SNTG2: variants seen among roughly 807,000 people sequenced by gnomAD.
SNTG2 encodes the protein syntrophin gamma 2.
SNTG2 carries 74 observed loss-of-function variants against 70.9 expected under a neutral mutation model. That is an observed-to-expected ratio of 1.04 (90% CI 0.86 to 1.27). The LOEUF is 1.27. SNTG2 is among the 50% of genes most tolerant of loss of function. The pLI is 0.00. For missense variants in SNTG2, 717 were observed against 690.7 expected, an observed-to-expected ratio of 1.04 and a Z score of -0.43; for synonymous variants, 278 against 273.8, an observed-to-expected ratio of 1.02 and a Z score of -0.15.
At chr2:1,066,748 C>A (rs1663181971) in intron 1 of SNTG2, among the ~76,000 whole-genome samples, 2 of 152,070 alleles carry the variant, frequency 1.3e-5, no homozygotes, top group Non-Finnish European at 2.9e-5. Flanking sequence ...GCTCCTGGGG[C>A]ACCCACTTAT....
chr2:1,112,362 TACTA>T (rs1476866001), intron 4 of SNTG2, among the ~76,000 whole-genome samples: 2 of 151,834 alleles, frequency 1.3e-5, no homozygotes, highest in East Asian at 1.9e-4. Context: ...GAATCGTGTG[TACTA>T]ACTGAGGTTT....
chr2:1,085,184 T>A (rs2148177206), intron 2 of SNTG2, among the ~76,000 whole-genome samples: 1 of 152,334 alleles, frequency 6.6e-6, no homozygotes, highest in South Asian at 2.1e-4. Context: ...AAGAGTGGGC[T>A]TGAGCAAAGA....
At chr2:1,089,340 T>C (rs759342505) in intron 2 of SNTG2, among the ~76,000 whole-genome samples, 13 of 152,220 alleles carry the variant, frequency 8.5e-5, no homozygotes, top group Non-Finnish European at 1.8e-4. Context: ...AGTTTGGCCG[T>C]ATTCATTATA....
intron 16 of SNTG2, among the ~76,000 whole-genome samples, chr2:1,360,386 T>C (rs1661071929): frequency 6.6e-6 from 1 of 152,184 alleles, no homozygotes; most frequent in African/African-American, 2.4e-5. Context: ...GTATGAAGCC[T>C]GGATCACCAG....
At chr2:1,109,247 T>C (rs1254286071) in intron 4 of SNTG2, among the ~76,000 whole-genome samples, 2 of 152,026 alleles carry the variant, frequency 1.3e-5, no homozygotes, top group Non-Finnish European at 2.9e-5. Context: ...CAGTTCATAC[T>C]TAATGAAATG....
rs944149201 is a variant in SNTG2, at chr2:1,248,970, G to A, written c.1005+1527G>A. Among the ~76,000 whole-genome samples the A allele has an allele frequency of 5.3e-5, 8 of 152,296 alleles. No homozygotes were observed. The East Asian group carries it at 9.6e-4, about 18-fold the overall frequency. ...AGGTTTCTTGGCCGTGGGTCTTCAC[G>A]GAAGTTATGTCCTGCCTTGGGATGC... On this transcript the variant is annotated intron_variant, in intron 12 of 16. Coordinates refer to ENST00000308624, the MANE Select transcript of SNTG2 (RefSeq NM_018968.4).
chr2:1,153,296 A>C (rs1460264768), intron 6 of SNTG2, among the ~76,000 whole-genome samples: 1 of 152,180 alleles, frequency 6.6e-6, no homozygotes, highest in Non-Finnish European at 1.5e-5. Context: ...TTTAGGGTAC[A>C]TGTGCACAAC....
chr2:1,219,834 A>G (rs924962165), intron 9 of SNTG2: 13 of 152,124 alleles, frequency 8.5e-5, no homozygotes, highest in African/African-American at 2.4e-4. Flanking sequence ...TAAAAATACA[A>G]TGAAATTATG....
chr2:1,183,628 T>C (rs1672070204), intron 8 of SNTG2, among the ~76,000 whole-genome samples: 1 of 152,228 alleles, frequency 6.6e-6, no homozygotes, highest in African/African-American at 2.4e-5. Context: ...AGCAACTTTG[T>C]GATTCAGTCT....
chr2:1,144,173 T>C (rs1470196278), intron 6 of SNTG2, among the ~76,000 whole-genome samples: 1 of 151,794 alleles, frequency 6.6e-6, no homozygotes, highest in East Asian at 1.9e-4. Flanking sequence ...CCGAGACATA[T>C]GGGAAAGGAT....
chr2:1,325,429 G>T (rs1457193205), intron 16 of SNTG2, among the ~76,000 whole-genome samples: 1 of 152,166 alleles, frequency 6.6e-6, no homozygotes, highest in Non-Finnish European at 1.5e-5. Context: ...CAAACAAAAA[G>T]TTATACAAGT....
chr2:993,881 A>G (rs1180902549), intron 1 of SNTG2, among the ~76,000 whole-genome samples: 1 of 152,100 alleles, frequency 6.6e-6, no homozygotes, highest in East Asian at 1.9e-4. Flanking sequence ...TTTAAAAATA[A>G]TTTTATGTTC....
intron 14 of SNTG2, among the ~76,000 whole-genome samples, chr2:1,275,193 T>C (rs1376379750): frequency 6.6e-6 from 1 of 152,230 alleles, no homozygotes; most frequent in African/African-American, 2.4e-5. Flanking sequence ...TGCCCTGCAT[T>C]AGTCCCCACC....
intron 14 of SNTG2, among the ~76,000 whole-genome samples, chr2:1,305,379 A>C (rs562748912): frequency 1.3e-5 from 2 of 152,246 alleles, no homozygotes; most frequent in African/African-American, 2.4e-5. Context: ...TCAAGAAACC[A>C]GTACACAAAA....
chr2:1,266,512 CT>C (rs1289169635), intron 13 of SNTG2, among the ~76,000 whole-genome samples: 1 of 152,136 alleles, frequency 6.6e-6, no homozygotes, highest in African/African-American at 2.4e-5. Flanking sequence ...TTTGTCAGGC[CT>C]TTGGGTTGGC....
At chr2:1,076,608 A>G (rs778650233) in intron 1 of SNTG2, among the ~76,000 whole-genome samples, 1 of 152,246 alleles carries the variant, frequency 6.6e-6, no homozygotes, top group East Asian at 1.9e-4. Flanking sequence ...GCTAGAAGGC[A>G]TCAGTGTGCT....
chr2:1,054,183 G>A (rs1025953881), intron 1 of SNTG2, among the ~76,000 whole-genome samples: 3 of 152,048 alleles, frequency 2.0e-5, no homozygotes, highest in Admixed American at 6.5e-5. Flanking sequence ...TGTTTCCCGT[G>A]GTGCGGCTCG....
Position 1,319,458 on chromosome 2 carries a change from C to T in SNTG2, c.1488+3083C>T, listed in dbSNP as rs565369759. ...AACAAACCCAAACTAAAAAAACCTCCACCTCCATTTCCCGTGCTGGATCTC... is the reference window on the plus strand; with the variant it reads ...AACAAACCCAAACTAAAAAAACCTCTACCTCCATTTCCCGTGCTGGATCTC... On this transcript the variant is annotated intron_variant, in intron 16 of 16. Coordinates refer to ENST00000308624, the MANE Select transcript of SNTG2 (RefSeq NM_018968.4). 5.9e-5 allele frequency among the ~76,000 whole-genome samples: 9 copies of T among 152,250 alleles called. No individual in the cohort carries two copies. In the East Asian group the frequency reaches 1.7e-3, roughly 29 times the overall value.
intron 15 of SNTG2, among the ~76,000 whole-genome samples, 186 bp downstream of exon 15, chr2:1,308,772 T>C (rs914076311): frequency 3.9e-5 from 6 of 152,174 alleles, no homozygotes; most frequent in Non-Finnish European, 5.9e-5. Context: ...CCACAAGCCC[T>C]GAGGGTGTCT....
Sources: gnomAD v4.1 joint callset for allele counts (sites outside exome capture counted in the v4.1 genomes callset) on GRCh38, gnomAD v4.1.1 for gene constraint, MANE v1.5 for transcripts, NCBI Gene and HGNC (gene_info 2026-07-23, HGNC 2026-07-21) for gene names.